The following ANXA7 variants were observed in gnomAD, a reference collection of about 807,000 sequenced individuals.
ANXA7 encodes the protein annexin A7.
ANXA7 carries 55 observed loss-of-function variants against 64.9 expected under a neutral mutation model. The observed-to-expected ratio is 0.85, with a 90% CI of 0.68 to 1.06. The LOEUF (loss-of-function observed/expected upper bound fraction) is 1.06, where lower values mean the gene tolerates loss of function less well. Ranked by LOEUF, ANXA7 falls within the 50% of genes least tolerant of loss-of-function variation. The pLI is 0.00. For synonymous variants in ANXA7, 200 were observed against 192.4 expected (o/e 1.04, Z -0.33); for missense variants, 548 against 582.1 (o/e 0.94, Z 0.60).
intron 5 of ANXA7, among the ~76,000 whole-genome samples, chr10:73,391,097 G>C (rs2055474428): frequency 6.6e-6 from 1 of 151,224 alleles, no homozygotes; most frequent in African/African-American, 2.4e-5. Context: ...GAACCCGGGA[G>C]GCGGAGGTTG....
At chr10:73,395,988 A>G in intron 5 of ANXA7, 4 of 1,090,270 alleles carry the variant, frequency 3.7e-6, no homozygotes, top group Non-Finnish European at 4.2e-6. Context: ...AGAATCAGAA[A>G]CAAAGGCACA....
In ANXA7 at chr10:73,398,772, T is replaced by C. The variant is rs554272235; in HGVS notation, c.55-387A>G. On this transcript the variant is annotated intron_variant, in intron 2 of 12. Transcript: ENST00000372921. ...CTAAACAGAGGAATTTGAGGCTTTC[T>C]TGCAACACATCTGGATCTGTTACAT... Among the ~76,000 whole-genome samples, 7 of 152,296 alleles carry C rather than the reference T, an allele frequency of 4.6e-5. 1 individual carries two copies. In the South Asian group the frequency reaches 1.5e-3, roughly 32 times the overall value.
chr10:73,411,285 T>C (rs565661751), intron 1 of ANXA7, among the ~76,000 whole-genome samples: 4 of 152,250 alleles, frequency 2.6e-5, no homozygotes, highest in South Asian at 2.1e-4. Flanking sequence ...TAATGGACTT[T>C]AGAGACTCAG....
At chr10:73,393,308 C>T (rs2055515693) in intron 5 of ANXA7, among the ~76,000 whole-genome samples, 2 of 152,188 alleles carry the variant, frequency 1.3e-5, no homozygotes, top group South Asian at 4.1e-4. Flanking sequence ...GATTCAATGC[C>T]ATCCCCATCA....
chr10:73,394,837 T>C (rs978527058), intron 5 of ANXA7, among the ~76,000 whole-genome samples: 1 of 152,228 alleles, frequency 6.6e-6, no homozygotes, highest in African/African-American at 2.4e-5. Context: ...TGTGCACATG[T>C]ACCCTAGAAC....
intron 12 of ANXA7, among the ~76,000 whole-genome samples, chr10:73,376,884 C>T (rs1220730968): frequency 6.6e-6 from 1 of 152,080 alleles, no homozygotes; most frequent in African/African-American, 2.4e-5. Flanking sequence ...CTTGAGGACG[C>T]TATGCTAAGT....
intron 7 of ANXA7, among the ~76,000 whole-genome samples, chr10:73,384,943 C>T (rs543592024): frequency 2.0e-4 from 30 of 151,980 alleles, no homozygotes; most frequent in African/African-American, 6.8e-4. Context: ...CCAGCCTTGA[C>T]TCTTCATTAC....
rs192280400 is a variant in ANXA7 at position 73,384,874 on chromosome 10, C to T, written c.634-1184G>A. On this transcript the variant is annotated intron_variant, in intron 7 of 12. Transcript: ENST00000372921. ...AAATGTAAAAATTAGCATGCAAAGA[C>T]GAAGGAGAAAGGTATTTCAGGTAAG... Among the ~76,000 whole-genome samples, 181 of 151,608 alleles carry T rather than the reference C, an allele frequency of 1.2e-3. 1 individual carries two copies. The highest frequency in any genetic ancestry group is 4.3e-3 in the African/African-American group (178 of 41,294).
At chr10:73,411,800 T>C (rs1009125134) in intron 1 of ANXA7, among the ~76,000 whole-genome samples, 1 of 152,116 alleles carries the variant, frequency 6.6e-6, no homozygotes, top group Non-Finnish European at 1.5e-5. Flanking sequence ...GGAGGTGTTA[T>C]GTGGTTATTA....
Position 73,382,162 on chromosome 10 carries a change from C to T in ANXA7, c.918+1013G>A, listed in dbSNP as rs575841315. Reference sequence around the variant, plus strand: ...GTACTGGGATTACAGACATGAACCACCACACCCAGCCCCTCCCTTGGCTCT... The same window carrying T: ...GTACTGGGATTACAGACATGAACCATCACACCCAGCCCCTCCCTTGGCTCT... On this transcript the variant is annotated intron_variant, in intron 9 of 12. Transcript: ENST00000372921. Among the ~76,000 whole-genome samples, 8 of 152,314 alleles carry T rather than the reference C, an allele frequency of 5.3e-5. No homozygotes were observed. In the East Asian group the frequency reaches 1.5e-3, roughly 29 times the overall value.
intron 4 of ANXA7, 73 bp downstream of exon 4, chr10:73,397,091 T>C: frequency 1.5e-6 from 1 of 645,864 alleles, no homozygotes; most frequent in Non-Finnish European, 2.5e-6. Flanking sequence ...AAATATAAAC[T>C]AAGTTCCCTC....
At position 73,397,294 on chromosome 10, in the gene ANXA7, A is replaced by G; in HGVS notation, c.260-20T>C. 1 of 1,505,282 alleles carries G rather than the reference A, an allele frequency of 6.6e-7. No individual in the cohort carries two copies. The highest frequency in any genetic ancestry group is 9.2e-7 in the Non-Finnish European group (1 of 1,085,408). The allele number at this position is 1,505,282 out of a possible 1,614,324, so 93.2% of individuals were successfully genotyped here. ...GAGGAACTAGAGAAAAGAACATGTC[A>G]ATAAACTATAGTACAGTTCTCATGA... On this transcript the variant is annotated intron_variant, in intron 3 of 12. Transcript: ENST00000372921.
At chr10:73,397,090 C>G in intron 4 of ANXA7, 74 bp downstream of exon 4, 1 of 637,154 alleles carries the variant, frequency 1.6e-6, no homozygotes, top group Admixed American at 3.7e-5. Context: ...CAAATATAAA[C>G]TAAGTTCCCT....
Position 73,398,179 on chromosome 10 carries a change from A to T in ANXA7, c.259+2T>A. On this transcript the variant is annotated splice_donor_variant, in intron 3 of 12. Transcript: ENST00000372921. LOFTEE classifies it high-confidence loss of function. ...TTACTAATTCCGCAACCCGTAACTC[A>T]CCTCCGGGATAGGATGGAGCTCCCC... 6.2e-7 allele frequency: 1 copy of T among 1,606,378 alleles called. No individual in the cohort carries two copies.
chr10:73,376,331 C>T, intron 12 of ANXA7, 114 bp from the exon 13 acceptor site: 1 of 1,021,470 alleles, frequency 9.8e-7, no homozygotes, highest in South Asian at 2.1e-5. Context: ...GGGGAAAACA[C>T]CAAGTGACTG....
chr10:73,384,229 A>G (rs1331338852), intron 7 of ANXA7, among the ~76,000 whole-genome samples: 2 of 152,236 alleles, frequency 1.3e-5, no homozygotes, highest in Non-Finnish European at 2.9e-5. Flanking sequence ...CATTCTATCA[A>G]TAAACATTTA....
chr10:73,413,212 ATC>A (rs982949450), intron 1 of ANXA7, among the ~76,000 whole-genome samples: 2 of 152,328 alleles, frequency 1.3e-5, no homozygotes, highest in Admixed American at 1.3e-4. Flanking sequence ...GGCCAAAATT[ATC>A]TCTTTTACCT....
intron 1 of ANXA7, among the ~76,000 whole-genome samples, chr10:73,406,170 G>A (rs182917729): frequency 6.6e-6 from 1 of 152,230 alleles, no homozygotes; most frequent in Admixed American, 6.5e-5. Context: ...TGGCCAGGCT[G>A]GTCTCGAACT....
rs1589659761 is a variant in ANXA7, at chr10:73,398,049, T to C, written c.259+132A>G. On this transcript the variant is annotated intron_variant, in intron 3 of 12. Transcript: ENST00000372921. Reference sequence around the variant, plus strand: ...TCATCCCTCCATCTTGCCAGCTAGGTCCTTACTACCTAAGGTTACCTAAGA... The same window carrying C: ...TCATCCCTCCATCTTGCCAGCTAGGCCCTTACTACCTAAGGTTACCTAAGA... The C allele has an allele frequency of 1.4e-5, 12 of 835,222 alleles. No homozygotes were observed. In the East Asian group the frequency reaches 3.2e-4, roughly 23 times the overall value. 51.7% of individuals were successfully genotyped at this position (835,222 alleles called of 1,614,324 possible). A position where few individuals can be genotyped will look rare whatever the true frequency, so the allele number is the denominator to read the frequency against.
Sources: allele counts gnomAD v4.1 joint callset (sites outside exome capture counted in the v4.1 genomes callset), GRCh38; gene constraint gnomAD v4.1.1; transcripts MANE v1.5; gene names NCBI Gene and HGNC (gene_info 2026-07-23, HGNC 2026-07-21).